The following HDX variants were observed in gnomAD, a reference collection of about 807,000 sequenced individuals.
HDX encodes the protein highly divergent homeobox, also known as chromosome X open reading frame 43.
A neutral mutation model predicts 45.2 loss-of-function variants in HDX; 19 were observed. That is an observed-to-expected ratio of 0.42 (90% CI 0.29 to 0.62). HDX has a LOEUF of 0.62. HDX is among the 20% of genes least tolerant of loss of function. The pLI is 0.20. For missense variants in HDX, 532 were observed against 493.9 expected (o/e 1.08, Z -0.73); for synonymous variants, 188 against 172.8 (o/e 1.09, Z -0.69).
At position 84,501,049 on chromosome X, in the gene HDX, C is replaced by T. The variant is rs1169540776; in HGVS notation, c.-110+1293G>A. On this transcript the variant is annotated intron_variant, in intron 1 of 10. Transcript: ENST00000373177. ...AGAAGGCTTTCAAAGGAAAATTTAC[C>T]AGTACTTGATAATCCCTTAACTATG... Among the ~76,000 whole-genome samples the T allele has an allele frequency of 4.5e-5, 5 of 111,112 alleles. 1 individual carries two copies. The highest frequency in any genetic ancestry group is 9.4e-5 in the Non-Finnish European group (5 of 52,981).
At chrX:84,354,113 G>C (rs955330310) in intron 6 of HDX, among the ~76,000 whole-genome samples, 19 of 111,476 alleles carry the variant, frequency 1.7e-4, no homozygotes, top group African/African-American at 5.2e-4. Flanking sequence ...CTAAGCCTCA[G>C]ATTATTTATG....
At chrX:84,388,233 T>C (rs944801918) in intron 5 of HDX, among the ~76,000 whole-genome samples, 1 of 111,112 alleles carries the variant, frequency 9.0e-6, no homozygotes, top group Admixed American at 9.6e-5. Context: ...CCTTTAAGTT[T>C]TTTTTTTAAT....
chrX:84,359,867 A>G (rs964675929), intron 6 of HDX, among the ~76,000 whole-genome samples: 9 of 112,224 alleles, frequency 8.0e-5, no homozygotes, highest in African/African-American at 2.9e-4. Context: ...GGACATAGGC[A>G]TGGGCAAAAG....
chrX:84,397,599 T>G (rs1413109155), intron 5 of HDX, among the ~76,000 whole-genome samples: 1 of 111,652 alleles, frequency 9.0e-6, no homozygotes, highest in Non-Finnish European at 1.9e-5. Flanking sequence ...CTGAGGAGGC[T>G]GCCTTTCTTC....
chrX:84,431,752 A>G (rs773106389), intron 5 of HDX, among the ~76,000 whole-genome samples: 2 of 111,374 alleles, frequency 1.8e-5, no homozygotes, highest in Admixed American at 9.6e-5. Flanking sequence ...TGTTGGATAC[A>G]TAGTTTACAA....
At chrX:84,407,270 A>T (rs2038852382) in intron 5 of HDX, among the ~76,000 whole-genome samples, 1 of 111,283 alleles carries the variant, frequency 9.0e-6, no homozygotes, top group South Asian at 3.8e-4. Context: ...GTCCATGTGT[A>T]TTCAGTATTA....
At chrX:84,452,239 A>G (rs1323988987) in intron 4 of HDX, among the ~76,000 whole-genome samples, 4 of 111,366 alleles carry the variant, frequency 3.6e-5, no homozygotes, top group Admixed American at 9.6e-5. Flanking sequence ...TTTGTAGATG[A>G]CTTGATCTTC....
At chrX:84,423,483 CAAAAAAAA>C (rs538893311) in intron 5 of HDX, among the ~76,000 whole-genome samples, 2 of 59,502 alleles carry the variant, frequency 3.4e-5, no homozygotes, top group African/African-American at 1.3e-4. Context: ...ACAGAAACAT[CAAAAAAAA>C]AAAAAAAAAA....
chrX:84,432,265 A>C (rs2039522181), intron 5 of HDX, among the ~76,000 whole-genome samples: 1 of 111,651 alleles, frequency 9.0e-6, no homozygotes, highest in African/African-American at 3.3e-5. Flanking sequence ...AAGTCAAGTA[A>C]TGTGATGCCT....
intron 7 of HDX, among the ~76,000 whole-genome samples, chrX:84,338,357 T>C (rs752325742): frequency 9.0e-6 from 1 of 110,572 alleles, no homozygotes; most frequent in East Asian, 2.9e-4. Flanking sequence ...ATATTTGAGA[T>C]ATACAACATA....
Position 84,445,007 on chromosome X carries a change from G to T in HDX, c.1252-4422C>A, listed in dbSNP as rs1271732856. Among the ~76,000 whole-genome samples the T allele has an allele frequency of 7.2e-5, 8 of 111,595 alleles. No individual in the cohort carries two copies. In the Admixed American group the frequency reaches 7.6e-4, roughly 11 times the overall value. ...AATGTTTCTGCTAGATTATTAGATT[G>T]TCAAGAGCAAAATACCAAGTTTTAA... is the stretch of plus-strand genomic sequence containing the variant. On this transcript the variant is annotated intron_variant, in intron 4 of 10. Coordinates refer to ENST00000373177, the MANE Select transcript of HDX (RefSeq NM_001177479.2).
chrX:84,403,000 T>C (rs2038740576), intron 5 of HDX, among the ~76,000 whole-genome samples: 1 of 111,554 alleles, frequency 9.0e-6, no homozygotes, highest in African/African-American at 3.3e-5. Flanking sequence ...TGTTAATAGC[T>C]TTAATTATAT....
intron 5 of HDX, among the ~76,000 whole-genome samples, chrX:84,406,507 CACACACACACAT>C (rs2038829954): frequency 2.9e-5 from 2 of 68,152 alleles, no homozygotes; most frequent in African/African-American, 4.7e-5. Context: ...CACATACACA[CACACACACACAT>C]ACACACACAC....
At chrX:84,383,548 C>T (rs1922184353) in intron 5 of HDX, among the ~76,000 whole-genome samples, 1 of 111,627 alleles carries the variant, frequency 9.0e-6, no homozygotes, top group South Asian at 3.7e-4. Context: ...GATCATATGT[C>T]TGGCTACATT....
intron 8 of HDX, among the ~76,000 whole-genome samples, chrX:84,334,288 C>T (rs904364290): frequency 3.4e-4 from 38 of 110,597 alleles, no homozygotes; most frequent in African/African-American, 1.2e-3. Context: ...AAATCAAACA[C>T]AATTTTTAAA....
chrX:84,477,550 G>T (rs1029617377), intron 2 of HDX, among the ~76,000 whole-genome samples: 1 of 111,185 alleles, frequency 9.0e-6, no homozygotes, highest in African/African-American at 3.3e-5. Flanking sequence ...AGTAATAGCA[G>T]CAAGGCCACT....
At chrX:84,470,373 A>G (rs2040433098) in intron 3 of HDX, among the ~76,000 whole-genome samples, 1 of 111,787 alleles carries the variant, frequency 8.9e-6, no homozygotes, top group Non-Finnish European at 1.9e-5. Context: ...TGCTGCTTTG[A>G]CATGAATTTC....
At chrX:84,498,821 GCACACA>G (rs202067754) in intron 1 of HDX, among the ~76,000 whole-genome samples, 26,781 of 94,383 alleles carry the variant, frequency 0.28, 3,328 homozygotes, top group South Asian at 0.48. Flanking sequence ...TGGAATGTAT[GCACACA>G]CACACACACA....
intron 1 of HDX, among the ~76,000 whole-genome samples, chrX:84,495,114 G>A (rs913972039): frequency 9.1e-6 from 1 of 109,373 alleles, no homozygotes; most frequent in Non-Finnish European, 1.9e-5. Context: ...AATACTGCGC[G>A]ATCTCACATA....
Sources: gnomAD v4.1 joint callset for allele counts (sites outside exome capture counted in the v4.1 genomes callset) on GRCh38, gnomAD v4.1.1 for gene constraint, MANE v1.5 for transcripts, NCBI Gene and HGNC (gene_info 2026-07-23, HGNC 2026-07-21) for gene names.